NPAS3: variants seen among roughly 807,000 people sequenced by gnomAD.
NPAS3 encodes the protein neuronal PAS domain-containing protein 3.
In NPAS3, 14 loss-of-function variants were observed where a neutral mutation model predicts 73.1. That is an observed-to-expected ratio of 0.19 (90% CI 0.13 to 0.30). The LOEUF (loss-of-function observed/expected upper bound fraction) is 0.30, where lower values mean the gene tolerates loss of function less well. Ranked by LOEUF, NPAS3 falls within the 10% of genes least tolerant of loss-of-function variation. The probability of loss-of-function intolerance (pLI) is 1.00; values close to 1 mark genes in which losing one functional copy is unlikely to be tolerated. For synonymous variants in NPAS3, 620 were observed against 541.5 expected (o/e 1.14, Z -2.01); for missense variants, 1,096 against 1,250.0 (o/e 0.88, Z 1.86).
intron 1 of NPAS3, among the ~76,000 whole-genome samples, chr14:32,954,890 A>T (rs1325863024): frequency 1.3e-5 from 2 of 152,184 alleles, no homozygotes; most frequent in African/African-American, 4.8e-5. Flanking sequence ...ACATTAAAAG[A>T]TGGTTATGAG....
chr14:33,705,493 G>A (rs958060496), intron 6 of NPAS3, among the ~76,000 whole-genome samples: 2 of 152,282 alleles, frequency 1.3e-5, no homozygotes, highest in African/African-American at 4.8e-5. Context: ...AGGCGAAATC[G>A]GCTACTGTAT....
intron 5 of NPAS3, among the ~76,000 whole-genome samples, chr14:33,674,494 T>C (rs2059700881): frequency 6.6e-6 from 1 of 152,214 alleles, no homozygotes; most frequent in Admixed American, 6.5e-5. Flanking sequence ...CAAAGTCAGT[T>C]TACCCATTTA....
chr14:33,371,312 T>C (rs113830940), intron 4 of NPAS3, among the ~76,000 whole-genome samples: 3,179 of 151,876 alleles, frequency 0.021, 91 homozygotes, highest in African/African-American at 0.063. Context: ...TGATAGGAGG[T>C]AAAGGAGAAG....
rs367733281 is a variant in NPAS3, at chr14:33,215,174, G to A, written c.141-8G>A. ...CTAAACCACACATTCTCACTCCTTTGATTTCAGTTTACAAGCATTGAGAAA... is the reference window on the plus strand; with the variant it reads ...CTAAACCACACATTCTCACTCCTTTAATTTCAGTTTACAAGCATTGAGAAA... On this transcript the variant is annotated splice_region_variant and splice_polypyrimidine_tract_variant and intron_variant, in intron 2 of 11. Coordinates refer to ENST00000356141, the Ensembl canonical transcript of NPAS3. 357 of 1,613,244 alleles carry A rather than the reference G, an allele frequency of 2.2e-4. 1 individual carries two copies. The highest frequency in any genetic ancestry group is 2.9e-4 in the Non-Finnish European group (339 of 1,179,514).
chr14:33,060,027 C>G (rs977605646), intron 2 of NPAS3, among the ~76,000 whole-genome samples: 2 of 152,194 alleles, frequency 1.3e-5, no homozygotes, highest in Admixed American at 6.5e-5. Context: ...AAGCCATCCT[C>G]CCACCTCAGC....
chr14:33,263,922 G>T (rs1331344756), intron 3 of NPAS3, among the ~76,000 whole-genome samples: 1 of 152,072 alleles, frequency 6.6e-6, no homozygotes, highest in Non-Finnish European at 1.5e-5. Flanking sequence ...CCATTACTGG[G>T]TATATACCCA....
chr14:33,374,414 A>C (rs531886786), intron 4 of NPAS3, among the ~76,000 whole-genome samples: 4 of 152,162 alleles, frequency 2.6e-5, no homozygotes, highest in Non-Finnish European at 4.4e-5. Flanking sequence ...TAGTTGGTCC[A>C]TATAGTCTTT....
intron 2 of NPAS3, among the ~76,000 whole-genome samples, chr14:33,198,399 T>G (rs12882122): frequency 0.087 from 13,177 of 152,238 alleles, 785 homozygotes; most frequent in Non-Finnish European, 0.13. Context: ...AGGGTGCTGA[T>G]TGGCAGATTT....
upstream of NPAS3, chr14:32,934,790 G>A (rs1042478134): frequency 6.7e-4 from 149 of 223,750 alleles, 1 homozygote; most frequent in Non-Finnish European, 1.0e-3. The surrounding 1 kb of genome is among the most constrained non-coding windows in gnomAD (Gnocchi z 4.1). Flanking sequence ...GCCCGAGCCC[G>A]AGCCCCCGCC....
intron 3 of NPAS3, among the ~76,000 whole-genome samples, chr14:33,260,023 A>G (rs754665719): frequency 6.6e-5 from 10 of 152,166 alleles, no homozygotes; most frequent in Non-Finnish European, 1.2e-4. Flanking sequence ...GTGGTCGGAC[A>G]CCCAAAAGCC....
In NPAS3 at chr14:33,740,435, G is replaced by A. The variant is rs190120188; in HGVS notation, c.852+5103G>A. On this transcript the variant is annotated intron_variant, in intron 7 of 11. Coordinates refer to ENST00000356141, the Ensembl canonical transcript of NPAS3. ...CTAGCACAGTATGCTGCACATAGTT[G>A]TCACTCAATAAATGTTGATTTAATT... is the stretch of plus-strand genomic sequence containing the variant. 2.8e-4 allele frequency among the ~76,000 whole-genome samples: 42 copies of A among 152,280 alleles called. No homozygotes were observed. In the East Asian group the frequency reaches 7.3e-3, roughly 27 times the overall value.
intron 3 of NPAS3, among the ~76,000 whole-genome samples, chr14:33,280,360 G>A (rs1038661590): frequency 2.4e-4 from 36 of 152,108 alleles, no homozygotes; most frequent in African/African-American, 7.5e-4. Flanking sequence ...TAAGATTTAA[G>A]CATTAGTGTT....
At chr14:33,368,245 A>G (rs1052844543) in intron 4 of NPAS3, among the ~76,000 whole-genome samples, 1 of 152,074 alleles carries the variant, frequency 6.6e-6, no homozygotes. Context: ...TGTCAAAAGT[A>G]ATACTACATT....
intron 1 of NPAS3, among the ~76,000 whole-genome samples, chr14:33,005,327 A>G (rs2038963839): frequency 6.6e-6 from 1 of 152,172 alleles, no homozygotes; most frequent in Non-Finnish European, 1.5e-5. Context: ...TTAGGGTACC[A>G]CTTACATATA....
chr14:33,712,111 CCA>C (rs1421530317), intron 6 of NPAS3, among the ~76,000 whole-genome samples: 2 of 152,086 alleles, frequency 1.3e-5, no homozygotes, highest in African/African-American at 4.8e-5. Context: ...TCCAAGTACT[CCA>C]CTTTGTTCTA....
chr14:33,223,736 C>T (rs1027571405), intron 3 of NPAS3, among the ~76,000 whole-genome samples: 9 of 152,086 alleles, frequency 5.9e-5, no homozygotes, highest in Admixed American at 1.3e-4. Flanking sequence ...TACCCTAACT[C>T]TTAATATTTT....
At chr14:33,758,068 T>C (rs2062169791) in intron 7 of NPAS3, among the ~76,000 whole-genome samples, 1 of 152,198 alleles carries the variant, frequency 6.6e-6, no homozygotes, top group Non-Finnish European at 1.5e-5. Context: ...GGTGCAGTCA[T>C]ATAATCCTTT....
intron 3 of NPAS3, among the ~76,000 whole-genome samples, chr14:33,267,822 A>AT (rs1254409548): frequency 6.6e-6 from 1 of 152,192 alleles, no homozygotes; most frequent in Non-Finnish European, 1.5e-5. Context: ...AGCATTGGGC[A>AT]TGCAGAGGAG....
intron 4 of NPAS3, among the ~76,000 whole-genome samples, chr14:33,483,795 C>T (rs1332154499): frequency 6.6e-6 from 1 of 152,186 alleles, no homozygotes; most frequent in Non-Finnish European, 1.5e-5. Flanking sequence ...TTGAAATATG[C>T]TCCTTTTCTC....
Sources: allele counts gnomAD v4.1 joint callset (sites outside exome capture counted in the v4.1 genomes callset), GRCh38; gene constraint gnomAD v4.1.1; non-coding constraint Gnocchi (gnomAD v3.1); transcripts MANE v1.5; gene names NCBI Gene and HGNC (gene_info 2026-07-23, HGNC 2026-07-21).